Variants in CTCF observed in about 807,000 individuals in gnomAD.
CTCF encodes CCCTC-binding factor, also known as transcriptional repressor CTCF.
CTCF carries 7 observed loss-of-function variants against 72.3 expected under a neutral mutation model. The observed-to-expected ratio is 0.10, with a 90% CI of 0.06 to 0.18. The LOEUF (loss-of-function observed/expected upper bound fraction) is 0.18, where lower values mean the gene tolerates loss of function less well. Ranked by LOEUF, CTCF falls within the 10% of genes least tolerant of loss-of-function variation. CTCF has a pLI of 1.00. For missense variants in CTCF, 516 were observed against 949.1 expected, an observed-to-expected ratio of 0.54 and a Z score of 6.00; for synonymous variants, 374 against 315.8, an observed-to-expected ratio of 1.18 and a Z score of -1.95.
At chr16:67,629,563 T>C (rs753808592) in intron 10 of CTCF, 30 bp downstream of exon 10, 14 of 1,608,638 alleles carry the variant, frequency 8.7e-6, no homozygotes, top group Admixed American at 5.1e-5. Flanking sequence ...ATTTGCTTAC[T>C]ATGGCAGGCT....
At chr16:67,629,645 T>C in intron 10 of CTCF, 112 bp downstream of exon 10, 1 of 988,480 alleles carries the variant, frequency 1.0e-6, no homozygotes, top group Non-Finnish European at 1.4e-6. Flanking sequence ...ACTCTTCCTT[T>C]CTTTAAACTT....
At chr16:67,571,585 C>T (rs949544471) in intron 2 of CTCF, among the ~76,000 whole-genome samples, 2 of 152,146 alleles carry the variant, frequency 1.3e-5, no homozygotes, top group Non-Finnish European at 2.9e-5. Context: ...TGAACATGTA[C>T]ATAGAAAGAT....
chr16:67,618,118 G>A (rs2052156895), intron 5 of CTCF, among the ~76,000 whole-genome samples: 1 of 152,034 alleles, frequency 6.6e-6, no homozygotes, highest in Non-Finnish European at 1.5e-5. Context: ...AATATAATGT[G>A]TTTAGGCTGG....
chr16:67,610,689 C>G, intron 2 of CTCF, 135 bp from the exon 3 acceptor site: 1 of 561,050 alleles, frequency 1.8e-6, no homozygotes, highest in South Asian at 5.4e-5. Flanking sequence ...AGGCACATGT[C>G]TGTTGTGTCT....
At chr16:67,621,347 TGTG>T in intron 6 of CTCF, 92 bp from the exon 7 acceptor site, 1 of 869,802 alleles carries the variant, frequency 1.1e-6, no homozygotes, top group Non-Finnish European at 1.8e-6. Flanking sequence ...GTAGATTCTC[TGTG>T]GTGTAGCATA....
At chr16:67,601,217 G>GGTGTGTGTGTGT (rs59655549) in intron 2 of CTCF, among the ~76,000 whole-genome samples, 9 of 128,400 alleles carry the variant, frequency 7.0e-5, no homozygotes, top group African/African-American at 2.0e-4. Flanking sequence ...TGCACTAAGG[G>GGTGTGTGTGTGT]GTGTGTGTGT....
At chr16:67,593,966 A>G (rs144135646) in intron 2 of CTCF, among the ~76,000 whole-genome samples, 1 of 152,306 alleles carries the variant, frequency 6.6e-6, no homozygotes, top group African/African-American at 2.4e-5. Flanking sequence ...CATATTTGCT[A>G]TGTAGTCATA....
chr16:67,627,727 T>TC (rs1381272863), intron 8 of CTCF: 3 of 151,480 alleles, frequency 2.0e-5, no homozygotes, highest in Non-Finnish European at 4.4e-5. Context: ...GGCAGGTGGA[T>TC]CACAAGGTCA....
intron 2 of CTCF, among the ~76,000 whole-genome samples, chr16:67,594,132 A>C (rs2051780967): frequency 6.6e-6 from 1 of 152,084 alleles, no homozygotes; most frequent in Non-Finnish European, 1.5e-5. Context: ...ACACAGGCTG[A>C]GCATGGTGGT....
At chr16:67,614,251 G>A (rs1224879237) in intron 4 of CTCF, 3 of 151,352 alleles carry the variant, frequency 2.0e-5, no homozygotes, top group African/African-American at 2.4e-5. Flanking sequence ...GAAGGCTGAG[G>A]CAGGAGAATT....
At chr16:67,625,573 C>G (rs922221765) in intron 7 of CTCF, among the ~76,000 whole-genome samples, 3 of 152,188 alleles carry the variant, frequency 2.0e-5, no homozygotes, top group African/African-American at 7.2e-5. Flanking sequence ...ATCTTATCAG[C>G]TCCCATGGGC....
chr16:67,596,992 G>C (rs1292122775), intron 2 of CTCF, among the ~76,000 whole-genome samples: 1 of 152,080 alleles, frequency 6.6e-6, no homozygotes, highest in African/African-American at 2.4e-5. Context: ...TTTTTAGAAA[G>C]CTGTTCACCT....
At chr16:67,621,369 C>T in intron 6 of CTCF, 73 bp from the exon 7 acceptor site, 1 of 1,154,084 alleles carries the variant, frequency 8.7e-7, no homozygotes, top group Admixed American at 1.8e-5. Flanking sequence ...TATCTGCCAC[C>T]TGAGTTACCC....
intron 2 of CTCF, among the ~76,000 whole-genome samples, chr16:67,588,214 G>A (rs922153425): frequency 6.6e-6 from 1 of 152,206 alleles, no homozygotes; most frequent in African/African-American, 2.4e-5. Flanking sequence ...TGCTCAGGCA[G>A]CATCTGTCCA....
At chr16:67,597,777 A>G (rs1392863406) in intron 2 of CTCF, among the ~76,000 whole-genome samples, 3 of 152,314 alleles carry the variant, frequency 2.0e-5, no homozygotes, top group Non-Finnish European at 4.4e-5. Flanking sequence ...TTAAAATGAC[A>G]GCTTTTTATT....
At chr16:67,578,325 CTTTTTTTTTT>C (rs944395345) in intron 2 of CTCF, among the ~76,000 whole-genome samples, 60 of 84,488 alleles carry the variant, frequency 7.1e-4, no homozygotes, top group African/African-American at 2.6e-3. Context: ...GTTTATGTAT[CTTTTTTTTTT>C]TTTTTTTTTT....
chr16:67,563,249 G>C (rs1353560945), intron 1 of CTCF: 2 of 152,428 alleles, frequency 1.3e-5, no homozygotes, highest in Non-Finnish European at 2.9e-5. Flanking sequence ...TGGCCGTCGC[G>C]TCTCGGGCTG....
intron 2 of CTCF, among the ~76,000 whole-genome samples, chr16:67,588,009 C>T (rs759878339): frequency 2.0e-5 from 3 of 152,042 alleles, no homozygotes; most frequent in African/African-American, 7.2e-5. Context: ...AGGCGCCCAC[C>T]ACCACGCCTG....
At chr16:67,594,563 A>G (rs1365545486) in intron 2 of CTCF, among the ~76,000 whole-genome samples, 1 of 152,096 alleles carries the variant, frequency 6.6e-6, no homozygotes, top group African/African-American at 2.4e-5. Flanking sequence ...GCATCACTAA[A>G]AAAATAGTGA....
Sources: gnomAD v4.1 joint callset for allele counts (sites outside exome capture counted in the v4.1 genomes callset) on GRCh38, gnomAD v4.1.1 for gene constraint, MANE v1.5 for transcripts, NCBI Gene and HGNC (gene_info 2026-07-23, HGNC 2026-07-21) for gene names.